Variants in TARS1 observed in about 807,000 individuals in gnomAD.
TARS1 encodes threonyl-tRNA synthetase 1.
Under a neutral mutation model 97.7 loss-of-function variants are expected in TARS1, and 57 were observed. The ratio of observed to expected loss-of-function variants is 0.58; its 90% CI spans 0.47 to 0.73. The LOEUF (loss-of-function observed/expected upper bound fraction) is 0.73. TARS1 is among the 30% of genes least tolerant of loss of function. The pLI, the probability that TARS1 is intolerant of heterozygous loss-of-function variation, is 0.00. For missense variants in TARS1, 806 were observed against 888.3 expected (o/e 0.91, Z 1.18); for synonymous variants, 312 against 293.7 (o/e 1.06, Z -0.64).
intron 2 of TARS1, chr5:33,446,766 T>G (rs1579575990): frequency 7.8e-7 from 1 of 1,286,904 alleles, no homozygotes. Flanking sequence ...GTGGTGCAGG[T>G]GGGTAGGATT....
chr5:33,459,384 T>A (rs1742182626), intron 10 of TARS1, among the ~76,000 whole-genome samples: 1 of 152,236 alleles, frequency 6.6e-6, no homozygotes, highest in South Asian at 2.1e-4. Flanking sequence ...GCAAATCAAG[T>A]TTATTTTCAC....
At position 33,458,487 on chromosome 5, in the gene TARS1, A is replaced by T. The variant is rs993370964; in HGVS notation, c.985-79A>T. ...ACATCATGACCATATTCTGAGCTCA[A>T]GAACACTGAAATTTATGTATATATA... On this transcript the variant is annotated intron_variant, in intron 9 of 18. Coordinates refer to ENST00000265112, the MANE Select transcript of TARS1 (RefSeq NM_152295.5). The T allele has an allele frequency of 5.6e-6, 7 of 1,254,026 alleles. No individual in the cohort carries two copies. The African/African-American group carries it at 1.1e-4, about 19-fold the overall frequency. The allele number at this position is 1,254,026 out of a possible 1,614,324, so 77.7% of individuals were successfully genotyped here.
At chr5:33,463,946 T>G (rs984270438) in intron 17 of TARS1, 121 bp downstream of exon 17, 2 of 819,986 alleles carry the variant, frequency 2.4e-6, no homozygotes, top group African/African-American at 3.4e-5. Flanking sequence ...TTACTATTTT[T>G]AATCTTTGTT....
intron 1 of TARS1, among the ~76,000 whole-genome samples, chr5:33,443,094 C>A (rs6450990): frequency 0.51 from 77,573 of 151,994 alleles, 21,072 homozygotes; most frequent in East Asian, 0.75. Flanking sequence ...GATGTACATA[C>A]CATATATACT....
At chr5:33,455,543 G>A (rs1741967898) in intron 5 of TARS1, 44 bp from the exon 6 acceptor site, 3 of 1,303,486 alleles carry the variant, frequency 2.3e-6, no homozygotes, top group Non-Finnish European at 3.2e-6. Context: ...AAGCCATGGT[G>A]TGATTCGAAT....
At position 33,441,128 on chromosome 5, in the gene TARS1, A is replaced by T. The variant is rs765827216; in HGVS notation, c.42A>T (p.Gly14=). The change falls in exon 1 of 19, where the codon GGA becomes GGT. Residue 14 remains glycine, a synonymous_variant. Coordinates refer to ENST00000265112, the MANE Select transcript of TARS1 (RefSeq NM_152295.5). ...CCAGCAGTCCTTCAGGGAAGATGGGAGGCGAGGAGAAGCCGGTGAGCAAAC... is the reference window on the plus strand; with the variant it reads ...CCAGCAGTCCTTCAGGGAAGATGGGTGGCGAGGAGAAGCCGGTGAGCAAAC... ...EKASSPSGKM[G]GEEKPIGAGE... 2 of 1,613,982 alleles carry T rather than the reference A, an allele frequency of 1.2e-6. No individual in the cohort carries two copies. The highest frequency in any genetic ancestry group is 3.3e-5 in the Admixed American group (2 of 60,000).
chr5:33,463,483 C>T (rs1424192069), intron 16 of TARS1, among the ~76,000 whole-genome samples: 1 of 152,188 alleles, frequency 6.6e-6, no homozygotes, highest in African/African-American at 2.4e-5. Context: ...GAGGCCTAGT[C>T]CTATCCTCAA....
intron 2 of TARS1, among the ~76,000 whole-genome samples, chr5:33,447,716 T>C (rs1741488884): frequency 1.3e-5 from 2 of 152,256 alleles, no homozygotes; most frequent in South Asian, 2.1e-4. Context: ...TTGAAATTCA[T>C]TTGAAGATAG....
rs1561066108 is a variant in TARS1, at chr5:33,443,306, C to CTCT, written c.58-2018_58-2017insTCT. Among the ~76,000 whole-genome samples, 101 of 85,556 alleles carry CTCT rather than the reference C, an allele frequency of 1.2e-3. 2 individuals carry two copies. Among genetic ancestry groups the CTCT allele is most frequent in the East Asian group, 7.8e-3 (12 of 1,548 alleles). The allele number at this position is 85,556 out of a possible 152,430, so 56.1% of individuals were successfully genotyped here. ...AACCAGAAAACCTTTGTGGTGATTC[C>CTCT]CTCTCTCTCTCTCCCTCTCTCTCTC... On this transcript the variant is annotated intron_variant, in intron 1 of 18. Coordinates refer to ENST00000265112, the MANE Select transcript of TARS1 (RefSeq NM_152295.5).
At chr5:33,467,470 G>T in intron 18 of TARS1, 90 bp from the exon 19 acceptor site, 1 of 1,459,510 alleles carries the variant, frequency 6.9e-7, no homozygotes. Flanking sequence ...GTAGGTTTTG[G>T]GTCCTAGGAT....
intron 18 of TARS1, 132 bp downstream of exon 18, chr5:33,467,117 T>A (rs1362324959): frequency 5.8e-5 from 19 of 328,154 alleles, no homozygotes. Flanking sequence ...TTTTCTATTA[T>A]ATATTTTAAT....
intron 17 of TARS1, among the ~76,000 whole-genome samples, chr5:33,465,288 T>G (rs1323386614): frequency 6.6e-6 from 1 of 152,164 alleles, no homozygotes; most frequent in Non-Finnish European, 1.5e-5. Flanking sequence ...TTAACTGAGT[T>G]CTCAACTGGA....
At chr5:33,451,368 T>C (rs1176106928) in intron 3 of TARS1, among the ~76,000 whole-genome samples, 3 of 140,864 alleles carry the variant, frequency 2.1e-5, no homozygotes, top group Non-Finnish European at 3.0e-5. Context: ...AGTTTTGTTA[T>C]AAATCTTTTT....
chr5:33,460,028 C>CAT, intron 11 of TARS1, 167 bp downstream of exon 11: 6 of 379,726 alleles, frequency 1.6e-5, no homozygotes, highest in Non-Finnish European at 2.2e-5. Context: ...TAGATCCCCA[C>CAT]TTTTTTTTTT....
At chr5:33,449,042 T>C (rs934201655) in intron 3 of TARS1, among the ~76,000 whole-genome samples, 1 of 152,176 alleles carries the variant, frequency 6.6e-6, no homozygotes, top group African/African-American at 2.4e-5. Flanking sequence ...GACTTAAATG[T>C]CTTGGTTTTG....
chr5:33,443,320 C>CTCTCTCTCTCTCTCTCTCTCT (rs1741220535), intron 1 of TARS1, among the ~76,000 whole-genome samples: 3 of 118,486 alleles, frequency 2.5e-5, no homozygotes, highest in Non-Finnish European at 3.5e-5. Flanking sequence ...TCTCTCTCTC[C>CTCTCTCTCTCTCTCTCTCTCT]CTCTCTCTCT....
At position 33,456,224 on chromosome 5, in the gene TARS1, C is replaced by CT; in HGVS notation, c.834_835insT (p.Lys279Ter). On this transcript the variant is annotated frameshift_variant, in exon 8 of 19. Transcript: ENST00000265112. LOFTEE classifies it high-confidence loss of function. ...GCAAAATTAAGGCTTTAAAAATACA[C>CT]AAAGTAAGTAATGTAACTTTAAAGA... 1 of 1,609,566 alleles carries CT rather than the reference C, an allele frequency of 6.2e-7. No homozygotes were observed. The highest frequency in any genetic ancestry group is 8.5e-7 in the Non-Finnish European group (1 of 1,176,210).
At position 33,458,579 on chromosome 5, in the gene TARS1, ATTTC is replaced by A; in HGVS notation, c.1003_1006del (p.Phe335MetfsTer37). 1 of 1,613,228 alleles carries A rather than the reference ATTTC, an allele frequency of 6.2e-7. No individual in the cohort carries two copies. Among genetic ancestry groups the A allele is most frequent in the Non-Finnish European group, 8.5e-7 (1 of 1,179,646 alleles). The stretch of plus-strand genomic sequence containing the variant: ...TCTTTTACCCAGGACCAAGAACTAT[ATTTC>A]TTTCATGAACTCAGCCCTGGAAGTT... On this transcript the variant is annotated frameshift_variant, in exon 10 of 19. Transcript: ENST00000265112. LOFTEE classifies it high-confidence loss of function.
At position 33,461,974 on chromosome 5, in the gene TARS1, G is replaced by C; in HGVS notation, c.1698G>C (p.Gln566His). The part of the protein sequence containing the change: ...HQCATIQLDF[Q>H]LPIRFNLTYV... ...GTGCAACCATCCAGCTGGATTTCCAGTTGCCCATCAGATTTAATCTTACTT... is the reference window on the plus strand; with the variant it reads ...GTGCAACCATCCAGCTGGATTTCCACTTGCCCATCAGATTTAATCTTACTT... The change falls in exon 15 of 19, where the codon CAG becomes CAC. Residue 566 changes from glutamine (Q) to histidine (H), a missense_variant. Physicochemically the swap from Gln to His is conservative, Grantham distance 24. This residue lies in a region of TARS1 where 446 missense variants were observed against 511.0 expected (regional missense o/e 0.87). Coordinates refer to ENST00000265112, the MANE Select transcript of TARS1 (RefSeq NM_152295.5). 1 of 1,614,050 alleles carries C rather than the reference G, an allele frequency of 6.2e-7. No homozygotes were observed. The highest frequency in any genetic ancestry group is 8.5e-7 in the Non-Finnish European group (1 of 1,179,946).
Sources: gnomAD v4.1 joint callset for allele counts (sites outside exome capture counted in the v4.1 genomes callset) on GRCh38, gnomAD v4.1.1 for gene constraint, gnomAD v4.1.1 regional missense constraint, MANE v1.5 for transcripts, NCBI Gene and HGNC (gene_info 2026-07-23, HGNC 2026-07-21) for gene names.